EPHA5: variants seen among roughly 807,000 people sequenced by gnomAD.
EPHA5 encodes EPH receptor A5, also known as ephrin type-A receptor 5.
Under a neutral mutation model 105.0 loss-of-function variants are expected in EPHA5, and 60 were observed. That is an observed-to-expected ratio of 0.57 (90% CI 0.46 to 0.71). The LOEUF is 0.71. EPHA5 is among the 30% of genes least tolerant of loss of function. The pLI, the probability that EPHA5 is intolerant of heterozygous loss-of-function variation, is 0.00. For synonymous variants in EPHA5, 513 were observed against 449.1 expected (o/e 1.14, Z -1.80); for missense variants, 1,218 against 1,274.7 (o/e 0.96, Z 0.68).
At chr4:65,547,528 G>A (rs191708364) in intron 3 of EPHA5, among the ~76,000 whole-genome samples, 45 of 151,710 alleles carry the variant, frequency 3.0e-4, no homozygotes, top group South Asian at 8.3e-4. Context: ...GTGATGTTCC[G>A]GTTAAGTCAT....
At chr4:65,420,839 T>G (rs1723882895) in intron 5 of EPHA5, among the ~76,000 whole-genome samples, 1 of 152,134 alleles carries the variant, frequency 6.6e-6, no homozygotes, top group East Asian at 1.9e-4. Flanking sequence ...ATTTCATAAT[T>G]TATAGAATAA....
At chr4:65,485,659 C>A (rs1730811521) in intron 5 of EPHA5, among the ~76,000 whole-genome samples, 1 of 152,140 alleles carries the variant, frequency 6.6e-6, no homozygotes, top group Non-Finnish European at 1.5e-5. Flanking sequence ...AAATTTTCAA[C>A]TTGAACACAC....
chr4:65,640,232 G>C (rs1318443624), intron 2 of EPHA5, among the ~76,000 whole-genome samples: 1 of 143,836 alleles, frequency 7.0e-6, no homozygotes, highest in African/African-American at 2.6e-5. Context: ...TGTAAACTCT[G>C]TATTTTTCAA....
intron 5 of EPHA5, among the ~76,000 whole-genome samples, chr4:65,462,813 C>T (rs1474024977): frequency 6.6e-6 from 1 of 152,150 alleles, no homozygotes; most frequent in East Asian, 1.9e-4. Context: ...GAGAAACAGA[C>T]TCTAACCTCA....
chr4:65,448,176 C>A (rs1362874088), intron 5 of EPHA5, among the ~76,000 whole-genome samples: 3 of 150,346 alleles, frequency 2.0e-5, no homozygotes, highest in African/African-American at 7.3e-5. Context: ...ATAACAAGCT[C>A]TTTTAGAGGA....
At chr4:65,664,486 A>G (rs1187221346) in intron 1 of EPHA5, among the ~76,000 whole-genome samples, 1 of 151,916 alleles carries the variant, frequency 6.6e-6, no homozygotes, top group African/African-American at 2.4e-5. Context: ...CTTTTTATCT[A>G]CCTTTATGTA....
intron 3 of EPHA5, among the ~76,000 whole-genome samples, chr4:65,515,303 A>G (rs1045055355): frequency 6.6e-6 from 1 of 152,168 alleles, no homozygotes; most frequent in African/African-American, 2.4e-5. Context: ...TAAAAAAAAC[A>G]ACAACATTGC....
chr4:65,393,958 T>C (rs1720971665), intron 8 of EPHA5, among the ~76,000 whole-genome samples: 1 of 152,192 alleles, frequency 6.6e-6, no homozygotes, highest in Admixed American at 6.5e-5. Flanking sequence ...TGAGTACATA[T>C]CTACTGGGGT....
At chr4:65,552,968 G>A (rs542133481) in intron 3 of EPHA5, among the ~76,000 whole-genome samples, 147 of 152,072 alleles carry the variant, frequency 9.7e-4, no homozygotes, top group Non-Finnish European at 1.5e-3. Context: ...TTAGTTGCTG[G>A]GTTGTATGCT....
At chr4:65,645,772 C>G (rs1372024432) in intron 1 of EPHA5, among the ~76,000 whole-genome samples, 1 of 152,034 alleles carries the variant, frequency 6.6e-6, no homozygotes, top group African/African-American at 2.4e-5. Flanking sequence ...TATAATCTTA[C>G]AGTGATATGG....
chr4:65,385,116 G>T (rs564684599), intron 8 of EPHA5, among the ~76,000 whole-genome samples: 1 of 151,548 alleles, frequency 6.6e-6, no homozygotes, highest in Non-Finnish European at 1.5e-5. Context: ...TGCTGTTTTC[G>T]TCAGCTCAAA....
At chr4:65,329,883 A>C (rs2122722) in intron 16 of EPHA5, among the ~76,000 whole-genome samples, 52,136 of 150,078 alleles carry the variant, frequency 0.35, 9,241 homozygotes, top group African/African-American at 0.44. Flanking sequence ...TTTGACCAAG[A>C]AAGTAACTGA....
chr4:65,331,956 T>A lies in EPHA5; in HGVS notation c.2945+17A>T, dbSNP rs1022464271. 2 of 1,573,382 alleles carry A rather than the reference T, an allele frequency of 1.3e-6. No homozygotes were observed. The highest frequency in any genetic ancestry group is 1.7e-6 in the Non-Finnish European group (2 of 1,160,278). ...TGCCCCAGCAATTATGTAAAAATTATCAGAAAAATTACTCACTCCAAGGTC... is the reference window on the plus strand; with the variant it reads ...TGCCCCAGCAATTATGTAAAAATTAACAGAAAAATTACTCACTCCAAGGTC... On this transcript the variant is annotated intron_variant, in intron 16 of 16. Transcript: ENST00000613740.
At chr4:65,666,052 T>G (rs143149291) in intron 1 of EPHA5, among the ~76,000 whole-genome samples, 1 of 152,326 alleles carries the variant, frequency 6.6e-6, no homozygotes, top group African/African-American at 2.4e-5. Flanking sequence ...CCAATCTATT[T>G]TATGGGCCTG....
At chr4:65,502,828 G>A (rs548075020) in intron 3 of EPHA5, among the ~76,000 whole-genome samples, 1 of 151,812 alleles carries the variant, frequency 6.6e-6, no homozygotes, top group South Asian at 2.1e-4. Context: ...AATATCAATG[G>A]TGTAGTATTA....
intron 1 of EPHA5, among the ~76,000 whole-genome samples, chr4:65,669,252 G>A (rs577898992): frequency 2.6e-5 from 4 of 151,442 alleles, no homozygotes; most frequent in Non-Finnish European, 5.9e-5. Flanking sequence ...CCCCTGGAAC[G>A]GGCCTCCATT....
intron 14 of EPHA5, 39 bp from the exon 15 acceptor site, chr4:65,336,164 A>G (rs1167293613): frequency 1.3e-6 from 2 of 1,523,282 alleles, no homozygotes; most frequent in Non-Finnish European, 1.8e-6. Flanking sequence ...CCAACACCAC[A>G]AATTTAGTAT....
In EPHA5 at chr4:65,614,244, T is replaced by C. The variant is rs957687731; in HGVS notation, c.247-11940A>G. On this transcript the variant is annotated intron_variant, in intron 2 of 16. Transcript: ENST00000613740. The stretch of plus-strand genomic sequence containing the variant: ...TTCAGTGTGATTTTAGCCTTAATAT[T>C]AAAACAAGCTGTTAACTGCCTTTTT... Among the ~76,000 whole-genome samples, 4 of 151,864 alleles carry C rather than the reference T, an allele frequency of 2.6e-5. No individual in the cohort carries two copies. The East Asian group carries it at 5.8e-4, about 22-fold the overall frequency.
intron 5 of EPHA5, among the ~76,000 whole-genome samples, chr4:65,466,852 C>T (rs1433985248): frequency 6.6e-6 from 1 of 152,126 alleles, no homozygotes; most frequent in African/African-American, 2.4e-5. Flanking sequence ...GCCGAAAGTC[C>T]TGTTATTAAA....
Sources: allele counts gnomAD v4.1 joint callset (sites outside exome capture counted in the v4.1 genomes callset), GRCh38; gene constraint gnomAD v4.1.1; transcripts MANE v1.5; gene names NCBI Gene and HGNC (gene_info 2026-07-23, HGNC 2026-07-21).